TOX3: variants seen among roughly 807,000 people sequenced by gnomAD.
TOX3 encodes the protein CAG trinucleotide repeat-containing gene F9 protein.
A neutral mutation model predicts 64.3 loss-of-function variants in TOX3; 22 were observed. The ratio of observed to expected loss-of-function variants is 0.34; its 90% CI spans 0.24 to 0.49. The LOEUF (loss-of-function observed/expected upper bound fraction) is 0.49. Among genes scored for constraint, TOX3 ranks in the 20% least tolerant of loss-of-function variants. The probability of loss-of-function intolerance (pLI) is 0.99; values close to 1 mark genes in which losing one functional copy is unlikely to be tolerated. For missense variants in TOX3, 661 were observed against 714.4 expected, an observed-to-expected ratio of 0.93 and a Z score of 0.85; for synonymous variants, 291 against 273.6, an observed-to-expected ratio of 1.06 and a Z score of -0.63.
chr16:52,539,469 T>C (rs1343019067), intron 1 of TOX3, among the ~76,000 whole-genome samples: 1 of 152,250 alleles, frequency 6.6e-6, no homozygotes, highest in Non-Finnish European at 1.5e-5. Flanking sequence ...TTTTTAACAG[T>C]GCAGTAGGAT....
chr16:52,545,384 G>T (rs761295809), intron 1 of TOX3, among the ~76,000 whole-genome samples: 9 of 152,140 alleles, frequency 5.9e-5, no homozygotes, highest in Non-Finnish European at 1.0e-4. Context: ...GACCCTAATG[G>T]TCTTTTACAA....
chr16:52,451,823 A>G (rs944719715), intron 3 of TOX3, among the ~76,000 whole-genome samples: 2 of 152,170 alleles, frequency 1.3e-5, no homozygotes, highest in African/African-American at 4.8e-5. Flanking sequence ...AAAAATAATG[A>G]ATTAGATTTA....
chr16:52,514,947 G>C (rs1962409670), intron 1 of TOX3, among the ~76,000 whole-genome samples: 2 of 138,558 alleles, frequency 1.4e-5, no homozygotes, highest in Admixed American at 7.9e-5. Flanking sequence ...GGAGGTGGAG[G>C]TTGCAGTGAG....
chr16:52,515,185 TAAA>T (rs11415785), intron 1 of TOX3, among the ~76,000 whole-genome samples: 1 of 138,636 alleles, frequency 7.2e-6, no homozygotes, highest in Non-Finnish European at 1.6e-5. Flanking sequence ...CTATGAATGT[TAAA>T]AAAAAAAAAA....
At chr16:52,501,081 A>T (rs777785383) in intron 1 of TOX3, among the ~76,000 whole-genome samples, 1 of 152,222 alleles carries the variant, frequency 6.6e-6, no homozygotes, top group Non-Finnish European at 1.5e-5. Flanking sequence ...AGCACTTTCC[A>T]TATGTTAACT....
intron 1 of TOX3, among the ~76,000 whole-genome samples, chr16:52,490,932 G>A (rs1239026449): frequency 1.3e-5 from 2 of 152,028 alleles, no homozygotes; most frequent in African/African-American, 4.8e-5. Flanking sequence ...CCTGGCCTAA[G>A]ATGTGATTTT....
chr16:52,525,263 G>C (rs45507498), intron 1 of TOX3, among the ~76,000 whole-genome samples: 37 of 152,168 alleles, frequency 2.4e-4, no homozygotes, highest in Non-Finnish European at 4.6e-4. Flanking sequence ...AGTTTGGGGA[G>C]GGGGGTTCTC....
At chr16:52,542,230 G>A (rs535178255) in intron 1 of TOX3, among the ~76,000 whole-genome samples, 7 of 152,184 alleles carry the variant, frequency 4.6e-5, no homozygotes, top group East Asian at 1.9e-4. Flanking sequence ...ATTTCTTTAC[G>A]CAGCTCTACT....
Position 52,439,650 on chromosome 16 carries a change from C to T in TOX3, c.1306G>A (p.Val436Met), listed in dbSNP as rs552173538. The T allele has an allele frequency of 2.0e-5, 33 of 1,613,816 alleles. No homozygotes were observed. The South Asian group carries it at 3.4e-4, about 17-fold the overall frequency. ...SAPSTQVSPS[V>M]QTQQHQMQLQ... ...TGCATCTGATGCTGCTGGGTTTGCA[C>T]CGAAGGACTCACTTGGGTGGAGGGT... The change falls in exon 7 of 7, where the codon GTG (valine) becomes ATG (methionine). Residue 436 changes from valine to methionine, a missense_variant. By Grantham distance (21) the Val-to-Met change is conservative. Coordinates refer to ENST00000219746, the MANE Select transcript of TOX3 (RefSeq NM_001080430.4).
chr16:52,492,544 C>A (rs1961719327), intron 1 of TOX3, among the ~76,000 whole-genome samples: 1 of 107,500 alleles, frequency 9.3e-6, no homozygotes, highest in Non-Finnish European at 1.9e-5. Context: ...AATAACACAA[C>A]ACTATATTAG....
rs3086693 is a variant in TOX3, at chr16:52,520,694, CAT to C, written c.87+25941_87+25942del. 5.2e-3 allele frequency among the ~76,000 whole-genome samples: 789 copies of C among 152,238 alleles called. 8 individuals carry two copies. Among genetic ancestry groups the C allele is most frequent in the South Asian group, 0.019 (90 of 4,822 alleles). On this transcript the variant is annotated intron_variant, in intron 1 of 6. Transcript: ENST00000219746. ...TCTGAGGCAGCACCCCATAGTCAAACATGTGGACATTTTTGTAGCAAAATGTC... is the reference window on the plus strand; with the variant it reads ...TCTGAGGCAGCACCCCATAGTCAAACGTGGACATTTTTGTAGCAAAATGTC...
intron 3 of TOX3, among the ~76,000 whole-genome samples, chr16:52,453,187 G>GC (rs944330621): frequency 1.1e-5 from 1 of 92,404 alleles, no homozygotes; most frequent in Non-Finnish European, 2.0e-5. Context: ...CTTTCAGAAT[G>GC]CTTTTTTTTT....
At chr16:52,494,911 A>G (rs1961799241) in intron 1 of TOX3, among the ~76,000 whole-genome samples, 1 of 152,346 alleles carries the variant, frequency 6.6e-6, no homozygotes, top group Non-Finnish European at 1.5e-5. Flanking sequence ...ATGGCTAGTA[A>G]TTGGCTTGTT....
chr16:52,501,443 G>A (rs1002861123), intron 1 of TOX3, among the ~76,000 whole-genome samples: 11 of 152,134 alleles, frequency 7.2e-5, no homozygotes, highest in East Asian at 1.9e-4. Flanking sequence ...AGGCTGAGGC[G>A]GGCGGATCAC....
chr16:52,499,641 TTA>T (rs1961950151), intron 1 of TOX3, among the ~76,000 whole-genome samples: 1 of 152,166 alleles, frequency 6.6e-6, no homozygotes, highest in Non-Finnish European at 1.5e-5. Flanking sequence ...CCAGTTGTGA[TTA>T]TTTCTAAACC....
chr16:52,527,494 G>A (rs543835010), intron 1 of TOX3, among the ~76,000 whole-genome samples: 1 of 152,226 alleles, frequency 6.6e-6, no homozygotes, highest in South Asian at 2.1e-4. Flanking sequence ...TTCTCAATCC[G>A]CCAGATCACA....
intron 1 of TOX3, among the ~76,000 whole-genome samples, chr16:52,525,157 G>A (rs1305618545): frequency 6.6e-6 from 1 of 152,140 alleles, no homozygotes; most frequent in African/African-American, 2.4e-5. Context: ...AAAATGACTT[G>A]AGAACCTTTC....
intron 1 of TOX3, among the ~76,000 whole-genome samples, chr16:52,496,392 T>A (rs1961850903): frequency 6.6e-6 from 1 of 152,238 alleles, no homozygotes; most frequent in Non-Finnish European, 1.5e-5. Flanking sequence ...TTATGAAAGA[T>A]GTCTTTGTAT....
At chr16:52,465,241 C>T (rs1490255313) in intron 2 of TOX3, among the ~76,000 whole-genome samples, 2 of 151,466 alleles carry the variant, frequency 1.3e-5, no homozygotes, top group East Asian at 1.9e-4. Context: ...GTCTCGATCT[C>T]CTGACCTTGT....
Sources: gnomAD v4.1 joint callset for allele counts (sites outside exome capture counted in the v4.1 genomes callset) on GRCh38, gnomAD v4.1.1 for gene constraint, MANE v1.5 for transcripts, NCBI Gene and HGNC (gene_info 2026-07-23, HGNC 2026-07-21) for gene names.